Variants in PIP4P2 observed in about 807,000 individuals in gnomAD.
The protein encoded by PIP4P2 is type 2 phosphatidylinositol 4,5-bisphosphate 4-phosphatase.
PIP4P2 carries 19 observed loss-of-function variants against 33.3 expected under a neutral mutation model. The ratio of observed to expected loss-of-function variants is 0.57; its 90% CI spans 0.40 to 0.84. The LOEUF is 0.84. Among genes scored for constraint, PIP4P2 ranks in the 40% least tolerant of loss-of-function variants. The probability of loss-of-function intolerance (pLI) is 0.00; values close to 1 mark genes in which losing one functional copy is unlikely to be tolerated. For missense variants in PIP4P2, 270 were observed against 324.7 expected, an observed-to-expected ratio of 0.83 and a Z score of 1.29; for synonymous variants, 110 against 111.9, an observed-to-expected ratio of 0.98 and a Z score of 0.11.
intron 6 of PIP4P2, 76 bp downstream of exon 6, chr8:90,996,578 G>T: frequency 8.1e-7 from 1 of 1,240,712 alleles, no homozygotes; most frequent in Non-Finnish European, 1.1e-6. Context: ...AATCCCTGAA[G>T]GTTGTCCCAG....
intron 1 of PIP4P2, among the ~76,000 whole-genome samples, chr8:91,027,692 G>T (rs1812101507): frequency 6.6e-6 from 1 of 152,164 alleles, no homozygotes; most frequent in Non-Finnish European, 1.5e-5. Context: ...AAAGCTAGAA[G>T]TAGCTTTAAA....
At chr8:91,023,126 T>G (rs894968092) in intron 1 of PIP4P2, among the ~76,000 whole-genome samples, 12 of 151,800 alleles carry the variant, frequency 7.9e-5, no homozygotes, top group African/African-American at 2.9e-4. Flanking sequence ...AAAGACATTA[T>G]TCTTGGGGAA....
intron 1 of PIP4P2, chr8:91,024,308 G>A: frequency 2.3e-6 from 1 of 439,272 alleles, no homozygotes; most frequent in South Asian, 1.6e-5. Flanking sequence ...ACATTTACTT[G>A]TAGCTCCATC....
At chr8:91,029,468 G>A (rs1260557094) in intron 1 of PIP4P2, among the ~76,000 whole-genome samples, 2 of 152,144 alleles carry the variant, frequency 1.3e-5, no homozygotes, top group African/African-American at 2.4e-5. Flanking sequence ...TCTGTCTTTT[G>A]TTCCCACATT....
intron 5 of PIP4P2, among the ~76,000 whole-genome samples, chr8:91,004,146 G>C (rs1811737706): frequency 6.6e-6 from 1 of 152,186 alleles, no homozygotes; most frequent in Non-Finnish European, 1.5e-5. Context: ...AAAAGCCTCA[G>C]AATCAGGGAA....
chr8:91,037,924 T>C (rs905498212), intron 1 of PIP4P2, among the ~76,000 whole-genome samples: 1 of 152,156 alleles, frequency 6.6e-6, no homozygotes, highest in African/African-American at 2.4e-5. Flanking sequence ...TCTTCCAATC[T>C]CCTTTCAGAT....
chr8:91,040,551 C>A (rs1812291618), intron 1 of PIP4P2, 93 bp downstream of exon 1: 3 of 1,455,760 alleles, frequency 2.1e-6, no homozygotes, highest in Non-Finnish European at 2.9e-6. Flanking sequence ...CTCACCTCCA[C>A]CTCCAAGCTA....
At chr8:91,021,472 C>A in intron 1 of PIP4P2, 68 bp from the exon 2 acceptor site, 1 of 1,494,564 alleles carries the variant, frequency 6.7e-7, no homozygotes, top group South Asian at 1.3e-5. Flanking sequence ...AGTATAGAGG[C>A]AATATAAGTA....
intron 3 of PIP4P2, chr8:91,018,723 A>T: frequency 1.7e-6 from 1 of 576,574 alleles, no homozygotes; most frequent in Non-Finnish European, 3.0e-6. Flanking sequence ...GAAACAATAT[A>T]TTATAGCATT....
At chr8:91,001,017 A>T (rs1010756773) in intron 5 of PIP4P2, among the ~76,000 whole-genome samples, 2 of 152,090 alleles carry the variant, frequency 1.3e-5, no homozygotes, top group South Asian at 4.1e-4. Context: ...CGTGCATTTT[A>T]ATTTCTGTAA....
chr8:91,012,445 TAAG>T (rs1811849984), intron 4 of PIP4P2, among the ~76,000 whole-genome samples: 1 of 152,056 alleles, frequency 6.6e-6, no homozygotes, highest in South Asian at 2.1e-4. Context: ...AGCATAATAA[TAAG>T]GATAAGGCTG....
At chr8:91,010,850 T>A (rs1372027613) in intron 4 of PIP4P2, among the ~76,000 whole-genome samples, 1 of 151,524 alleles carries the variant, frequency 6.6e-6, no homozygotes, top group East Asian at 1.9e-4. Flanking sequence ...CAATCATTTT[T>A]AGTAGAGATC....
chr8:91,004,178 C>T (rs1299710182), intron 5 of PIP4P2, among the ~76,000 whole-genome samples: 1 of 152,148 alleles, frequency 6.6e-6, no homozygotes, highest in African/African-American at 2.4e-5. Flanking sequence ...AATTCTCAGT[C>T]TGAGGAGGAA....
intron 1 of PIP4P2, among the ~76,000 whole-genome samples, chr8:91,024,763 G>C (rs1188143041): frequency 6.6e-6 from 1 of 151,980 alleles, no homozygotes; most frequent in Admixed American, 6.6e-5. Flanking sequence ...TTTTCTCCAT[G>C]GGGTTTTTCT....
chr8:91,009,131 A>G (rs1381909930), intron 4 of PIP4P2, among the ~76,000 whole-genome samples: 1 of 152,132 alleles, frequency 6.6e-6, no homozygotes, highest in African/African-American at 2.4e-5. Context: ...ATATACCATC[A>G]AAGTTATTTT....
At chr8:91,012,031 A>G (rs1811844453) in intron 4 of PIP4P2, among the ~76,000 whole-genome samples, 1 of 151,928 alleles carries the variant, frequency 6.6e-6, no homozygotes, top group African/African-American at 2.4e-5. Context: ...CTCAGGAGAG[A>G]GAGCTCATTA....
chr8:91,000,181 A>G (rs562920027), intron 5 of PIP4P2, among the ~76,000 whole-genome samples: 130 of 152,132 alleles, frequency 8.5e-4, no homozygotes, highest in African/African-American at 2.9e-3. Context: ...ACATTCCACT[A>G]GCATCTTAAT....
intron 1 of PIP4P2, 30 bp from the exon 2 acceptor site, chr8:91,021,434 T>C (rs761622472): frequency 9.3e-6 from 15 of 1,607,510 alleles, no homozygotes; most frequent in Non-Finnish European, 1.3e-5. Flanking sequence ...TGAATCAGAG[T>C]CTTGGAGAAA....
At chr8:91,007,083 A>G (rs1384060544) in intron 5 of PIP4P2, among the ~76,000 whole-genome samples, 1 of 152,200 alleles carries the variant, frequency 6.6e-6, no homozygotes, top group African/African-American at 2.4e-5. Context: ...AATACACATA[A>G]TACCCAGAAA....
Sources: gnomAD v4.1 joint callset for allele counts (sites outside exome capture counted in the v4.1 genomes callset) on GRCh38, gnomAD v4.1.1 for gene constraint, MANE v1.5 for transcripts, NCBI Gene and HGNC (gene_info 2026-07-23, HGNC 2026-07-21) for gene names.